Variants in NKAIN3 observed in about 807,000 individuals in gnomAD.
The protein encoded by NKAIN3 is sodium/potassium-transporting ATPase subunit beta-1-interacting protein 3.
In NKAIN3, 25 loss-of-function variants were observed where a neutral mutation model predicts 30.2. That is an observed-to-expected ratio of 0.83 (90% CI 0.60 to 1.16). The LOEUF is 1.16. NKAIN3 is among the 50% of genes most tolerant of loss of function. The pLI is 0.00. For missense variants in NKAIN3, 225 were observed against 254.1 expected, an observed-to-expected ratio of 0.89 and a Z score of 0.78; for synonymous variants, 91 against 89.6, an observed-to-expected ratio of 1.02 and a Z score of -0.09.
At chr8:62,816,632 A>G (rs76708417) in intron 4 of NKAIN3, among the ~76,000 whole-genome samples, 364 of 152,202 alleles carry the variant, frequency 2.4e-3, no homozygotes, top group Admixed American at 5.2e-3. Context: ...ATCAGGGTGT[A>G]GAGTGCTATG....
chr8:62,663,694 A>G (rs933765105), intron 3 of NKAIN3, among the ~76,000 whole-genome samples: 3 of 152,212 alleles, frequency 2.0e-5, no homozygotes, highest in African/African-American at 4.8e-5. Context: ...AGTGCTTTCT[A>G]TATAACATCA....
At chr8:62,731,064 A>G (rs917214330) in intron 3 of NKAIN3, among the ~76,000 whole-genome samples, 9 of 151,992 alleles carry the variant, frequency 5.9e-5, no homozygotes, top group African/African-American at 2.2e-4. Flanking sequence ...ACAAAAATCT[A>G]CCCTACACTC....
At position 62,972,918 on chromosome 8, in the gene NKAIN3, A is replaced by AGG. The variant is rs1823864533; in HGVS notation, c.*7511_*7512insGG. The stretch of plus-strand genomic sequence containing the variant: ...TCAACTCCCACTTAAGAGTAAGAAT[A>AGG]TGCAGTGTTTGTTTTTTGTTCCTGT... On this transcript the variant is annotated 3_prime_UTR_variant, in exon 7 of 7. Coordinates refer to ENST00000623646, the MANE Select transcript of NKAIN3 (RefSeq NM_001304533.3). Among the ~76,000 whole-genome samples the AGG allele has an allele frequency of 8.0e-6, 1 of 125,356 alleles. No individual in the cohort carries two copies. The highest frequency in any genetic ancestry group is 3.2e-5 in the African/African-American group (1 of 31,124). 82.2% of individuals were successfully genotyped at this position (125,356 alleles called of 152,430 possible). A position where few individuals can be genotyped will look rare whatever the true frequency, so the allele number is the denominator to read the frequency against.
intron 4 of NKAIN3, among the ~76,000 whole-genome samples, chr8:62,882,853 T>C (rs1821028112): frequency 6.6e-6 from 1 of 152,194 alleles, no homozygotes; most frequent in Non-Finnish European, 1.5e-5. Flanking sequence ...AAAGATCAGT[T>C]GACTATACTT....
At chr8:62,992,124 C>T (rs1164052365) in intron 5 of NKAIN3, among the ~76,000 whole-genome samples, 1 of 151,878 alleles carries the variant, frequency 6.6e-6, no homozygotes, top group African/African-American at 2.4e-5. Context: ...GTTTAAGTGA[C>T]CCTCCTGCCT....
chr8:62,467,029 A>G (rs1806184933), intron 1 of NKAIN3, among the ~76,000 whole-genome samples: 1 of 152,168 alleles, frequency 6.6e-6, no homozygotes, highest in Non-Finnish European at 1.5e-5. Flanking sequence ...AGTGCTCTAT[A>G]GGACCTGCCT....
intron 1 of NKAIN3, among the ~76,000 whole-genome samples, chr8:62,429,705 C>T (rs537162573): frequency 4.6e-5 from 7 of 151,814 alleles, no homozygotes; most frequent in Admixed American, 3.3e-4. Context: ...AGTGCACCAC[C>T]GTGGAGCTGG....
At chr8:62,922,941 G>T (rs893581348) in intron 5 of NKAIN3, among the ~76,000 whole-genome samples, 2 of 152,066 alleles carry the variant, frequency 1.3e-5, no homozygotes, top group African/African-American at 2.4e-5. Context: ...TAGAATCTTT[G>T]TTTTGCTCCC....
At chr8:62,333,193 G>A (rs1815414480) in intron 1 of NKAIN3, among the ~76,000 whole-genome samples, 1 of 152,056 alleles carries the variant, frequency 6.6e-6, no homozygotes, top group Admixed American at 6.6e-5. Flanking sequence ...AGAGTTACCT[G>A]TCTCTAAAGG....
In NKAIN3 at chr8:62,969,775, T is replaced by C. The variant is rs1276811393; in HGVS notation, c.*4368T>C. On this transcript the variant is annotated 3_prime_UTR_variant, in exon 7 of 7. Coordinates refer to ENST00000623646, the MANE Select transcript of NKAIN3 (RefSeq NM_001304533.3). ...TAACCTTTGTTTGATAGAAGGTCTG[T>C]TGAAGTGTCTAAGAACCATGTTGAA... Among the ~76,000 whole-genome samples, 6 of 152,204 alleles carry C rather than the reference T, an allele frequency of 3.9e-5. No individual in the cohort carries two copies. Among genetic ancestry groups the C allele is most frequent in the Non-Finnish European group, 8.8e-5 (6 of 68,034 alleles).
chr8:62,931,631 A>G (rs1338403759), intron 5 of NKAIN3, among the ~76,000 whole-genome samples: 2 of 152,234 alleles, frequency 1.3e-5, no homozygotes, highest in South Asian at 4.1e-4. Context: ...AGAAGATTCT[A>G]TAGCTTACCA....
intron 1 of NKAIN3, among the ~76,000 whole-genome samples, chr8:62,350,847 G>A (rs2129591752): frequency 6.6e-6 from 1 of 151,768 alleles, no homozygotes; most frequent in East Asian, 1.9e-4. Flanking sequence ...CTGCCACCAT[G>A]CCCGGCTAAT....
At chr8:62,663,500 T>A (rs1359019648) in intron 3 of NKAIN3, among the ~76,000 whole-genome samples, 2 of 152,186 alleles carry the variant, frequency 1.3e-5, no homozygotes, top group East Asian at 3.8e-4. Context: ...CCAAGAGTTT[T>A]CCACTAGGAT....
chr8:62,408,631 T>G (rs574858556), intron 1 of NKAIN3, among the ~76,000 whole-genome samples: 6 of 152,320 alleles, frequency 3.9e-5, no homozygotes, highest in African/African-American at 1.4e-4. Context: ...GTGATTCGTG[T>G]CTGGCAGTAG....
At chr8:62,261,054 C>G (rs867767476) in intron 1 of NKAIN3, among the ~76,000 whole-genome samples, 1 of 152,018 alleles carries the variant, frequency 6.6e-6, no homozygotes, top group African/African-American at 2.4e-5. Context: ...CTCCCCAGGC[C>G]AGTTGTTAAA....
chr8:62,419,393 A>G (rs972290149), intron 1 of NKAIN3, among the ~76,000 whole-genome samples: 9 of 152,156 alleles, frequency 5.9e-5, no homozygotes, highest in Non-Finnish European at 1.2e-4. Flanking sequence ...GTCATGCTAC[A>G]TGGTCTCTCC....
intron 1 of NKAIN3, among the ~76,000 whole-genome samples, chr8:62,280,295 A>C (rs1243882613): frequency 6.6e-6 from 1 of 152,192 alleles, no homozygotes; most frequent in Non-Finnish European, 1.5e-5. Context: ...GGAGTTTTCT[A>C]AATATACTAT....
chr8:62,980,493 G>A lies in NKAIN3; in HGVS notation c.*15086G>A, dbSNP rs955100836. 6 of 152,266 alleles carry A rather than the reference G, an allele frequency of 3.9e-5. No individual in the cohort carries two copies. Among genetic ancestry groups the A allele is most frequent in the African/African-American group, 9.6e-5 (4 of 41,546 alleles). The allele number at this position is 152,266 out of a possible 1,614,324, so 9.4% of individuals were successfully genotyped here. The stretch of plus-strand genomic sequence containing the variant: ...TAATACAAATAAGAGTACGACATAC[G>A]TAAATGTTGATTAGCTTTCTGGTTC... On this transcript the variant is annotated 3_prime_UTR_variant, in exon 7 of 7. Transcript: ENST00000623646.
chr8:62,429,945 C>G (rs927593421), intron 1 of NKAIN3, among the ~76,000 whole-genome samples: 2 of 151,850 alleles, frequency 1.3e-5, no homozygotes, highest in African/African-American at 4.8e-5. Context: ...GTCTCCATAA[C>G]TCTTTCTATC....
Sources: allele counts gnomAD v4.1 joint callset (sites outside exome capture counted in the v4.1 genomes callset), GRCh38; gene constraint gnomAD v4.1.1; transcripts MANE v1.5; gene names NCBI Gene and HGNC (gene_info 2026-07-23, HGNC 2026-07-21).